The following ARHGAP24 variants were observed in gnomAD, a reference collection of about 807,000 sequenced individuals.
The protein encoded by ARHGAP24 is Rho GTPase activating protein 24, also known as rho GTPase-activating protein 24.
In ARHGAP24, 50 loss-of-function variants were observed where a neutral mutation model predicts 76.4. The observed-to-expected ratio is 0.65, with a 90% CI of 0.52 to 0.83. The LOEUF is 0.83. Among genes scored for constraint, ARHGAP24 ranks in the 40% least tolerant of loss-of-function variants. The pLI is 0.00. For synonymous variants in ARHGAP24, 345 were observed against 323.3 expected (o/e 1.07, Z -0.72); for missense variants, 930 against 914.2 (o/e 1.02, Z -0.22).
At chr4:85,668,758 T>G (rs1293272823) in intron 2 of ARHGAP24, among the ~76,000 whole-genome samples, 1 of 152,134 alleles carries the variant, frequency 6.6e-6, no homozygotes, top group East Asian at 1.9e-4. Context: ...GTTAAAGAGT[T>G]GGAACTTGAC....
At chr4:85,675,574 A>T (rs7667501) in intron 2 of ARHGAP24, among the ~76,000 whole-genome samples, 33,162 of 152,144 alleles carry the variant, frequency 0.22, 4,747 homozygotes, top group Non-Finnish European at 0.31. Context: ...ATTTCCCGTA[A>T]CATTTAAAGT....
intron 3 of ARHGAP24, among the ~76,000 whole-genome samples, chr4:85,922,670 A>G (rs1174470873): frequency 6.6e-6 from 1 of 152,194 alleles, no homozygotes; most frequent in African/African-American, 2.4e-5. Context: ...GAAGGGGTGC[A>G]GGCTCTGATA....
At chr4:85,818,445 GT>G (rs1291883686) in intron 3 of ARHGAP24, among the ~76,000 whole-genome samples, 1 of 152,174 alleles carries the variant, frequency 6.6e-6, no homozygotes, top group East Asian at 1.9e-4. Context: ...TATAATTAGT[GT>G]TTTTTTCTTC....
chr4:85,761,883 T>C (rs964492423), intron 3 of ARHGAP24, among the ~76,000 whole-genome samples: 2 of 152,120 alleles, frequency 1.3e-5, no homozygotes, highest in Non-Finnish European at 2.9e-5. Flanking sequence ...AACCAACAAA[T>C]GGTTTTAAGG....
chr4:85,585,294 T>A (rs1268800066), intron 2 of ARHGAP24, among the ~76,000 whole-genome samples: 5 of 152,246 alleles, frequency 3.3e-5, no homozygotes, highest in Non-Finnish European at 5.9e-5. Flanking sequence ...AGCTGATGAT[T>A]GTGACTAAAT....
chr4:85,862,755 A>G (rs1731973464), intron 3 of ARHGAP24, among the ~76,000 whole-genome samples: 1 of 152,072 alleles, frequency 6.6e-6, no homozygotes, highest in South Asian at 2.1e-4. Context: ...GTAAATGGCA[A>G]CACCATCCAA....
intron 3 of ARHGAP24, among the ~76,000 whole-genome samples, chr4:85,772,520 A>G (rs1012908658): frequency 1.3e-5 from 2 of 152,172 alleles, no homozygotes; most frequent in African/African-American, 4.8e-5. Context: ...TTAGCCTTCA[A>G]ACTCCATGTA....
At chr4:85,733,255 G>A (rs995055237) in intron 3 of ARHGAP24, among the ~76,000 whole-genome samples, 1 of 149,154 alleles carries the variant, frequency 6.7e-6, no homozygotes, top group Non-Finnish European at 1.5e-5. Flanking sequence ...AGCAGAGACA[G>A]GGTTTCACTG....
chr4:85,977,485 G>A, intron 7 of ARHGAP24, 85 bp from the exon 8 acceptor site: 1 of 1,470,596 alleles, frequency 6.8e-7, no homozygotes, highest in Non-Finnish European at 9.4e-7. Flanking sequence ...CATAACTTTA[G>A]TTTGTAAATT....
chr4:85,761,083 A>T (rs1726715899), intron 3 of ARHGAP24, among the ~76,000 whole-genome samples: 1 of 152,156 alleles, frequency 6.6e-6, no homozygotes, highest in Admixed American at 6.5e-5. Context: ...TGAGGAAAAC[A>T]TTAGTCTGAT....
At chr4:85,514,121 G>A (rs1027816867) in intron 1 of ARHGAP24, among the ~76,000 whole-genome samples, 1 of 152,028 alleles carries the variant, frequency 6.6e-6, no homozygotes, top group South Asian at 2.1e-4. Context: ...TTCTCTTTTA[G>A]TGTAGCCTGG....
chr4:85,806,544 A>C (rs1028556392), intron 3 of ARHGAP24, among the ~76,000 whole-genome samples: 1 of 152,130 alleles, frequency 6.6e-6, no homozygotes, highest in Admixed American at 6.6e-5. Flanking sequence ...ACACCCTCCC[A>C]TGGGTAGCAG....
Position 85,833,463 on chromosome 4 carries a change from C to G in ARHGAP24, c.269-90185C>G, listed in dbSNP as rs142161080. ...CCTCCCATGACCTCCCGTACTGTTT[C>G]ACACTATCCTCTGACCTGGGGAAAA... On this transcript the variant is annotated intron_variant, in intron 3 of 9. Transcript: ENST00000395184. Among the ~76,000 whole-genome samples, 13 of 151,578 alleles carry G rather than the reference C, an allele frequency of 8.6e-5. No homozygotes were observed. In the East Asian group the frequency reaches 2.6e-3, roughly 30 times the overall value.
At chr4:85,755,303 T>C (rs553752558) in intron 3 of ARHGAP24, among the ~76,000 whole-genome samples, 1 of 152,262 alleles carries the variant, frequency 6.6e-6, no homozygotes, top group East Asian at 1.9e-4. Flanking sequence ...TGAAGGTCTA[T>C]TGTAGAGAAG....
chr4:85,488,528 C>T (rs1259254391), intron 1 of ARHGAP24, among the ~76,000 whole-genome samples: 1 of 152,104 alleles, frequency 6.6e-6, no homozygotes, highest in South Asian at 2.1e-4. Context: ...ACAGCTATTA[C>T]CATCTCTCCT....
intron 3 of ARHGAP24, among the ~76,000 whole-genome samples, chr4:85,875,594 T>C (rs1211273440): frequency 2.4e-4 from 27 of 112,876 alleles, no homozygotes; most frequent in East Asian, 2.2e-4. Flanking sequence ...ATATTTTATA[T>C]TATATTTTTA....
intron 3 of ARHGAP24, among the ~76,000 whole-genome samples, chr4:85,800,794 GT>G (rs935002453): frequency 1.3e-5 from 2 of 152,082 alleles, no homozygotes; most frequent in Non-Finnish European, 2.9e-5. Flanking sequence ...AAATGTTAAT[GT>G]TTGCCTTATA....
chr4:85,992,298 A>G (rs1027702059), intron 8 of ARHGAP24: 2 of 389,782 alleles, frequency 5.1e-6, no homozygotes, highest in Non-Finnish European at 4.5e-6. Context: ...ACAAGGGGCT[A>G]TGGCCATTTA....
chr4:85,657,092 G>T (rs1326888988), intron 2 of ARHGAP24, among the ~76,000 whole-genome samples: 1 of 152,128 alleles, frequency 6.6e-6, no homozygotes, highest in Non-Finnish European at 1.5e-5. Context: ...AATAATTTTT[G>T]TCTCGTTTTT....
Sources: gnomAD v4.1 joint callset for allele counts (sites outside exome capture counted in the v4.1 genomes callset) on GRCh38, gnomAD v4.1.1 for gene constraint, MANE v1.5 for transcripts, NCBI Gene and HGNC (gene_info 2026-07-23, HGNC 2026-07-21) for gene names.